The following CTPS2 variants were observed in gnomAD, a reference collection of about 807,000 sequenced individuals.
CTPS2 encodes the protein CTP synthase II.
A neutral mutation model predicts 46.8 loss-of-function variants in CTPS2; 19 were observed. The ratio of observed to expected loss-of-function variants is 0.41; its 90% CI spans 0.28 to 0.60. CTPS2 has a LOEUF of 0.60. Among genes scored for constraint, CTPS2 ranks in the 20% least tolerant of loss-of-function variants. The probability of loss-of-function intolerance (pLI) is 0.35; values close to 1 mark genes in which losing one functional copy is unlikely to be tolerated. For missense variants in CTPS2, 286 were observed against 447.6 expected, an observed-to-expected ratio of 0.64 and a Z score of 3.26; for synonymous variants, 151 against 165.2, an observed-to-expected ratio of 0.91 and a Z score of 0.66.
At position 16,617,357 on chromosome X, in the gene CTPS2, G is replaced by GT. The variant is rs1930588589; in HGVS notation, c.1450-112dup. ...CATTTCAGTGATCCTCTAACTAGTA[G>GT]TTAATGTCTATATTCAATGCTCAAA... On this transcript the variant is annotated intron_variant, in intron 15 of 18. Transcript: ENST00000359276. 1.3e-5 allele frequency: 6 copies of GT among 451,074 alleles called. No homozygotes were observed. The East Asian group carries it at 2.3e-4, about 17-fold the overall frequency. 37.2% of individuals were successfully genotyped at this position (451,074 alleles called of 1,213,427 possible).
At position 16,590,896 on chromosome X, in the gene CTPS2, TA is replaced by T. The variant is rs748761776; in HGVS notation, c.1692-35del. The T allele has an allele frequency of 2.1e-3, 1,880 of 908,245 alleles. 2 individuals carry two copies. Among genetic ancestry groups the T allele is most frequent in the East Asian group, 8.8e-3 (248 of 28,191 alleles). 74.8% of individuals were successfully genotyped at this position (908,245 alleles called of 1,213,427 possible). ...AAAGAGGAACTAATTTAGCAAGGTA[TA>T]AAAAAAAAACCTGGACAATTATTCA... On this transcript the variant is annotated intron_variant, in intron 17 of 18. Coordinates refer to ENST00000359276, the MANE Select transcript of CTPS2 (RefSeq NM_175859.3).
chrX:16,680,035 G>A (rs1188078372), intron 9 of CTPS2, among the ~76,000 whole-genome samples: 6 of 111,307 alleles, frequency 5.4e-5, no homozygotes, highest in Admixed American at 4.8e-4. Flanking sequence ...CAAAGGCAGG[G>A]AAGACTGGCA....
chrX:16,633,134 A>G (rs1931573632), intron 14 of CTPS2, among the ~76,000 whole-genome samples: 1 of 97,304 alleles, frequency 1.0e-5, no homozygotes, highest in Admixed American at 1.2e-4. Context: ...CCCAGACTGG[A>G]GTGCGGTGGT....
chrX:16,707,081 A>G (rs998705242), intron 1 of CTPS2, among the ~76,000 whole-genome samples: 3 of 110,905 alleles, frequency 2.7e-5, no homozygotes, highest in African/African-American at 9.8e-5. Context: ...TAAAAAAGAA[A>G]GTCTCCTTTC....
chrX:16,696,438 A>G (rs1935458541), intron 4 of CTPS2, among the ~76,000 whole-genome samples: 1 of 112,399 alleles, frequency 8.9e-6, no homozygotes, highest in Non-Finnish European at 1.9e-5. Flanking sequence ...CAGGAGTCAG[A>G]TCACACTCAA....
At chrX:16,698,471 C>T (rs976953197) in intron 3 of CTPS2, 135 bp from the exon 4 acceptor site, 6 of 457,924 alleles carry the variant, frequency 1.3e-5, no homozygotes, top group Admixed American at 3.5e-5. Flanking sequence ...AAGAAAAAAA[C>T]GCAACAATTT....
chrX:16,673,599 T>G lies in CTPS2; in HGVS notation c.1095-2925A>C, dbSNP rs191724393. On this transcript the variant is annotated intron_variant, in intron 10 of 18. Transcript: ENST00000359276. ...TGTGTGATGTTAAAAAAAAAAAGCT[T>G]TAATTGGTTTAAAAATAGTAAAGCT... is the stretch of plus-strand genomic sequence containing the variant. Among the ~76,000 whole-genome samples, 184 of 111,324 alleles carry G rather than the reference T, an allele frequency of 1.7e-3. 2 individuals are homozygous for G. The highest frequency in any genetic ancestry group is 4.7e-3 in the Middle Eastern group (1 of 215).
chrX:16,679,309 G>A (rs1330759416), intron 9 of CTPS2, among the ~76,000 whole-genome samples: 1 of 111,034 alleles, frequency 9.0e-6, no homozygotes, highest in Non-Finnish European at 1.9e-5. Context: ...AGTGAGCTTA[G>A]ATTGTGCCAC....
intron 14 of CTPS2, among the ~76,000 whole-genome samples, chrX:16,623,164 T>C (rs1002271862): frequency 5.4e-5 from 6 of 111,511 alleles, no homozygotes; most frequent in African/African-American, 1.3e-4. Context: ...ATTTAGGGGG[T>C]ACATGAGATG....
intron 9 of CTPS2, among the ~76,000 whole-genome samples, chrX:16,678,741 C>A (rs1426386597): frequency 9.1e-6 from 1 of 110,406 alleles, no homozygotes; most frequent in Non-Finnish European, 1.9e-5. Flanking sequence ...GTGGCACGTG[C>A]CTGTAGCCCC....
chrX:16,666,848 A>C (rs1205826830), intron 13 of CTPS2, among the ~76,000 whole-genome samples: 3 of 111,420 alleles, frequency 2.7e-5, no homozygotes, highest in African/African-American at 9.8e-5. Flanking sequence ...TTTTAGAAAG[A>C]CAGATGACCA....
intron 7 of CTPS2, 108 bp downstream of exon 7, chrX:16,691,432 G>T: frequency 1.6e-6 from 1 of 641,127 alleles, no homozygotes; most frequent in Non-Finnish European, 2.6e-6. Flanking sequence ...GGGTTCCCCA[G>T]TGCTTGCATA....
At chrX:16,593,351 C>T (rs1929030308) in intron 17 of CTPS2, among the ~76,000 whole-genome samples, 1 of 106,285 alleles carries the variant, frequency 9.4e-6, no homozygotes, top group African/African-American at 3.5e-5. Context: ...ATGGCGTGAA[C>T]CCGGGAGGCG....
intron 17 of CTPS2, among the ~76,000 whole-genome samples, chrX:16,603,430 A>AATAAATAG (rs779893622): frequency 0.07 from 7,289 of 104,441 alleles, 427 homozygotes; most frequent in African/African-American, 0.19. Context: ...TAAATAAATA[A>AATAAATAG]ATAAATAAAT....
At chrX:16,689,661 G>A (rs972498550) in intron 7 of CTPS2, 60 bp from the exon 8 acceptor site, 4 of 1,057,347 alleles carry the variant, frequency 3.8e-6, no homozygotes, top group Non-Finnish European at 5.2e-6. Flanking sequence ...GCCACCACAA[G>A]AATGAAACAA....
intron 13 of CTPS2, chrX:16,650,996 A>G: frequency 8.3e-7 from 1 of 1,198,925 alleles, no homozygotes; most frequent in African/African-American, 1.7e-5. Context: ...CCCAATTTAT[A>G]AGACACCAGA....
chrX:16,710,503 C>T (rs1925389115), intron 1 of CTPS2, among the ~76,000 whole-genome samples: 2 of 112,643 alleles, frequency 1.8e-5, no homozygotes, highest in Admixed American at 9.5e-5. Context: ...AGCAATTGCT[C>T]ATTTTCTGTT....
intron 13 of CTPS2, among the ~76,000 whole-genome samples, chrX:16,647,344 C>T (rs1487129655): frequency 1.0e-5 from 1 of 95,858 alleles, no homozygotes; most frequent in African/African-American, 3.9e-5. Context: ...CTCAGCTCAA[C>T]GCAACTTCCA....
At chrX:16,602,561 G>C (rs776258363) in intron 17 of CTPS2, among the ~76,000 whole-genome samples, 1 of 111,714 alleles carries the variant, frequency 9.0e-6, no homozygotes, top group Non-Finnish European at 1.9e-5. Context: ...TTTAACATAG[G>C]GGGTGTGTTG....
Sources: gnomAD v4.1 joint callset for allele counts (sites outside exome capture counted in the v4.1 genomes callset) on GRCh38, gnomAD v4.1.1 for gene constraint, MANE v1.5 for transcripts, NCBI Gene and HGNC (gene_info 2026-07-23, HGNC 2026-07-21) for gene names.